Variants in SLC22A9 observed in about 807,000 individuals in gnomAD.
SLC22A9 encodes the protein solute carrier family 22 member 9.
SLC22A9 carries 64 observed loss-of-function variants against 50.1 expected under a neutral mutation model. The ratio of observed to expected loss-of-function variants is 1.28; its 90% CI spans 1.04 to 1.57. The LOEUF (loss-of-function observed/expected upper bound fraction) is 1.57. SLC22A9 is among the 40% of genes most tolerant of loss of function. The pLI is 0.00. For missense variants in SLC22A9, 757 were observed against 676.1 expected (o/e 1.12, Z -1.33); for synonymous variants, 261 against 242.5 (o/e 1.08, Z -0.71).
chr11:63,369,797 T>C lies in SLC22A9; in HGVS notation c.-260T>C. The C allele has an allele frequency of 2.4e-6, 1 of 416,662 alleles. No homozygotes were observed. The highest frequency in any genetic ancestry group is 4.2e-6 in the Non-Finnish European group (1 of 235,616). The allele number at this position is 416,662 out of a possible 1,614,324, so 25.8% of individuals were successfully genotyped here. ...AAAGTAGAATTTTAAACACATTTCATTGTAAACGACTGGGAGTATCTGAGC... is the reference window on the plus strand; with the variant it reads ...AAAGTAGAATTTTAAACACATTTCACTGTAAACGACTGGGAGTATCTGAGC... On this transcript the variant is annotated 5_prime_UTR_variant, in exon 1 of 10. Transcript: ENST00000279178.
chr11:63,374,789 G>A (rs1404834900), intron 4 of SLC22A9, among the ~76,000 whole-genome samples: 1 of 152,068 alleles, frequency 6.6e-6, no homozygotes, highest in African/African-American at 2.4e-5. Flanking sequence ...TATTATAGGT[G>A]ATATTGGATG....
rs575280247 is a variant in SLC22A9 at position 63,408,259 on chromosome 11, G to A, written c.1397+39G>A. ...AGTATGCCCTGTCAGGTTCAAAATGGACCTTTCTCAGATAATTGACACTTT... is the reference window on the plus strand; with the variant it reads ...AGTATGCCCTGTCAGGTTCAAAATGAACCTTTCTCAGATAATTGACACTTT... On this transcript the variant is annotated intron_variant, in intron 8 of 9. Coordinates refer to ENST00000279178, the MANE Select transcript of SLC22A9 (RefSeq NM_080866.3). The A allele has an allele frequency of 6.0e-6, 9 of 1,501,082 alleles. No homozygotes were observed. The South Asian group carries it at 9.1e-5, about 15-fold the overall frequency. 93.0% of individuals were successfully genotyped at this position (1,501,082 alleles called of 1,614,324 possible).
chr11:63,382,430 G>A (rs1351273252), intron 6 of SLC22A9, among the ~76,000 whole-genome samples, 153 bp downstream of exon 6: 1 of 152,204 alleles, frequency 6.6e-6, no homozygotes, highest in Non-Finnish European at 1.5e-5. Context: ...TGTAGTAAAA[G>A]AGTTGTGAAA....
At chr11:63,389,126 C>T (rs970330909) in intron 6 of SLC22A9, among the ~76,000 whole-genome samples, 3 of 151,778 alleles carry the variant, frequency 2.0e-5, no homozygotes, top group African/African-American at 7.3e-5. Flanking sequence ...TTTTATTGAT[C>T]ATCTGTATTG....
intron 2 of SLC22A9, among the ~76,000 whole-genome samples, chr11:63,371,955 T>C (rs980233961): frequency 6.6e-6 from 1 of 152,130 alleles, no homozygotes; most frequent in Non-Finnish European, 1.5e-5. Context: ...ACCAACATCA[T>C]GTCTTCTGGT....
intron 6 of SLC22A9, among the ~76,000 whole-genome samples, chr11:63,387,713 A>G (rs894418356): frequency 3.3e-5 from 5 of 151,998 alleles, no homozygotes; most frequent in African/African-American, 1.2e-4. Context: ...TTTGATAGGG[A>G]TTGTATTGAA....
intron 6 of SLC22A9, among the ~76,000 whole-genome samples, chr11:63,386,387 C>T (rs1042603262): frequency 6.9e-6 from 1 of 144,352 alleles, no homozygotes; most frequent in African/African-American, 2.6e-5. Context: ...ACCAGCTCCC[C>T]TTTGTACCTC....
chr11:63,398,853 T>C (rs2014905717), intron 6 of SLC22A9, among the ~76,000 whole-genome samples: 1 of 152,248 alleles, frequency 6.6e-6, no homozygotes, highest in African/African-American at 2.4e-5. Flanking sequence ...TGTTAAATTT[T>C]CTGTTTCTGT....
At position 63,370,031 on chromosome 11, in the gene SLC22A9, A is replaced by G. The variant is rs1248661703; in HGVS notation, c.-26A>G. On this transcript the variant is annotated 5_prime_UTR_variant, in exon 1 of 10. Coordinates refer to ENST00000279178, the MANE Select transcript of SLC22A9 (RefSeq NM_080866.3). The stretch of plus-strand genomic sequence containing the variant: ...CTCTGGATACAGTCATTTTGCCTCT[A>G]CTTGAGGATCAACTGTTCAACCTCA... 1 of 1,592,936 alleles carries G rather than the reference A, an allele frequency of 6.3e-7. No homozygotes were observed. Among genetic ancestry groups the G allele is most frequent in the Non-Finnish European group, 8.6e-7 (1 of 1,169,580 alleles).
At chr11:63,398,405 A>G (rs1404723068) in intron 6 of SLC22A9, among the ~76,000 whole-genome samples, 3 of 152,122 alleles carry the variant, frequency 2.0e-5, no homozygotes, top group Non-Finnish European at 2.9e-5. Context: ...GCCTAGGAAT[A>G]GCAGTCCTTG....
intron 6 of SLC22A9, among the ~76,000 whole-genome samples, chr11:63,399,660 G>A (rs2014921489): frequency 6.6e-6 from 1 of 152,058 alleles, no homozygotes; most frequent in South Asian, 2.1e-4. Context: ...AATCAAAAAA[G>A]AAACATTGGA....
chr11:63,378,255 A>G (rs2014499140), intron 5 of SLC22A9, among the ~76,000 whole-genome samples: 2 of 137,010 alleles, frequency 1.5e-5, no homozygotes. Flanking sequence ...AAAAAGAAAA[A>G]CCAGACTAAA....
In SLC22A9 at chr11:63,373,893, G is replaced by A. The variant is rs1201451581; in HGVS notation, c.662-1G>A. ...AAAGCCTTATCTGTTTTTTCTTCCA[G>A]TAGCCGAGTGGGCAACACACAGATT... On this transcript the variant is annotated splice_acceptor_variant, in intron 3 of 9. Coordinates refer to ENST00000279178, the MANE Select transcript of SLC22A9 (RefSeq NM_080866.3). LOFTEE classifies it high-confidence loss of function. The A allele has an allele frequency of 2.5e-6, 4 of 1,611,056 alleles. No individual in the cohort carries two copies. The highest frequency in any genetic ancestry group is 3.4e-6 in the Non-Finnish European group (4 of 1,178,900).
In SLC22A9 at chr11:63,408,208, C is replaced by A. The variant is rs768511438; in HGVS notation, c.1385C>A (p.Pro462His). ...LAFAHGNEVI[P>H]TIIRARAMGI... ...TTTGCCCATGGAAATGAAGTAATTC[C>A]CACCATAATCAGGTACAGAACCTTA... Residue 462 changes from proline to histidine, a missense_variant, in exon 8 of 10, where the codon CCC (proline) becomes CAC (histidine). Coordinates refer to ENST00000279178, the MANE Select transcript of SLC22A9 (RefSeq NM_080866.3). 1 of 1,613,324 alleles carries A rather than the reference C, an allele frequency of 6.2e-7. No individual in the cohort carries two copies. Among genetic ancestry groups the A allele is most frequent in the Non-Finnish European group, 8.5e-7 (1 of 1,179,436 alleles).
rs2015040090 is a variant in SLC22A9, at chr11:63,406,515, C to G, written c.1092C>G (p.Ala364=). 1.2e-6 allele frequency: 2 copies of G among 1,613,528 alleles called. No homozygotes were observed. The highest frequency in any genetic ancestry group is 4.5e-5 in the East Asian group (2 of 44,864). ...ATCACAGATTTGCAAACTTTATGGCCTATTTTGGCCTTAATCTCCATGTCC... is the reference window on the plus strand; with the variant it reads ...ATCACAGATTTGCAAACTTTATGGCGTATTTTGGCCTTAATCTCCATGTCC... ...LSFTRFANFM[A]YFGLNLHVQH... The change falls in exon 7 of 10, where the codon GCC becomes GCG. Residue 364 remains alanine, a synonymous_variant. Transcript: ENST00000279178.
intron 7 of SLC22A9, among the ~76,000 whole-genome samples, chr11:63,407,799 C>G (rs1470183563): frequency 1.3e-5 from 2 of 152,126 alleles, no homozygotes; most frequent in African/African-American, 4.8e-5. Context: ...GCAGAGGAGT[C>G]CCTGGACGGA....
chr11:63,370,003 C>A lies in SLC22A9; in HGVS notation c.-54C>A, dbSNP rs530445506. 1.8e-5 allele frequency: 27 copies of A among 1,527,600 alleles called. No homozygotes were observed. The highest frequency in any genetic ancestry group is 2.3e-5 in the Non-Finnish European group (26 of 1,132,360). 94.6% of individuals were successfully genotyped at this position (1,527,600 alleles called of 1,614,324 possible). The stretch of plus-strand genomic sequence containing the variant: ...AAAGAAAACATTTTCCCTCTTTGAA[C>A]CTCTCTGGATACAGTCATTTTGCCT... On this transcript the variant is annotated 5_prime_UTR_variant, in exon 1 of 10. Transcript: ENST00000279178.
chr11:63,369,832 C>G lies in SLC22A9; in HGVS notation c.-225C>G, dbSNP rs2014316482. On this transcript the variant is annotated 5_prime_UTR_variant, in exon 1 of 10. Coordinates refer to ENST00000279178, the MANE Select transcript of SLC22A9 (RefSeq NM_080866.3). ...CTGGGAGTATCTGAGCAAATTATTT[C>G]TTACGTGACTTTAGAGAAAACGGCT... is the stretch of plus-strand genomic sequence containing the variant. The G allele has an allele frequency of 2.1e-6, 1 of 485,874 alleles. No homozygotes were observed. Among genetic ancestry groups the G allele is most frequent in the Non-Finnish European group, 3.6e-6 (1 of 277,850 alleles). The allele number at this position is 485,874 out of a possible 1,614,324, so 30.1% of individuals were successfully genotyped here.
At chr11:63,397,506 C>T (rs1215264088) in intron 6 of SLC22A9, among the ~76,000 whole-genome samples, 3 of 152,160 alleles carry the variant, frequency 2.0e-5, no homozygotes, top group Non-Finnish European at 2.9e-5. Flanking sequence ...CTATAGATGC[C>T]ATCCAGCAAC....
Sources: gnomAD v4.1 joint callset for allele counts (sites outside exome capture counted in the v4.1 genomes callset) on GRCh38, gnomAD v4.1.1 for gene constraint, MANE v1.5 for transcripts, NCBI Gene and HGNC (gene_info 2026-07-23, HGNC 2026-07-21) for gene names.